The following OLFM2 variants were observed in gnomAD, a reference collection of about 807,000 sequenced individuals.
The protein encoded by OLFM2 is noelin-2.
OLFM2 carries 20 observed loss-of-function variants against 43.9 expected under a neutral mutation model. The ratio of observed to expected loss-of-function variants is 0.46; its 90% confidence interval spans 0.32 to 0.66. The LOEUF (loss-of-function observed/expected upper bound fraction) is 0.66, where lower values mean the gene tolerates loss of function less well. Ranked by LOEUF, OLFM2 falls within the 30% of genes least tolerant of loss-of-function variation. The pLI is 0.04. For missense variants in OLFM2, 416 were observed against 643.6 expected, an observed-to-expected ratio of 0.65 and a Z score of 3.83; for synonymous variants, 268 against 278.6, an observed-to-expected ratio of 0.96 and a Z score of 0.38.
At position 9,926,157 on chromosome 19, in the gene OLFM2, A is replaced by T. The variant is rs187178479; in HGVS notation, c.63+10147T>A. Reference sequence around the variant, plus strand: ...CTCTGTAACATTAAGACTTTTTTTTAAAAAAAAGCTGAAAACAACCCAGTG... The same window carrying T: ...CTCTGTAACATTAAGACTTTTTTTTTAAAAAAAGCTGAAAACAACCCAGTG... On this transcript the variant is annotated intron_variant, in intron 1 of 5. Transcript: ENST00000264833. Among the ~76,000 whole-genome samples the T allele has an allele frequency of 3.3e-3, 500 of 151,394 alleles. 5 individuals carry two copies. Among genetic ancestry groups the T allele is most frequent in the Non-Finnish European group, 5.5e-3 (371 of 67,824 alleles).
intron 1 of OLFM2, among the ~76,000 whole-genome samples, chr19:9,912,703 G>A (rs530480009): frequency 6.6e-6 from 1 of 151,994 alleles, no homozygotes; most frequent in East Asian, 1.9e-4. Context: ...AGCCTCAAAG[G>A]GGGATGGGAT....
At chr19:9,914,195 G>A (rs1333509955) in intron 1 of OLFM2, among the ~76,000 whole-genome samples, 2 of 152,074 alleles carry the variant, frequency 1.3e-5, no homozygotes, top group Non-Finnish European at 2.9e-5. Flanking sequence ...GCCCACCCCG[G>A]CCACCCAAAG....
intron 1 of OLFM2, among the ~76,000 whole-genome samples, chr19:9,917,278 A>G (rs1409448346): frequency 6.6e-6 from 1 of 152,060 alleles, no homozygotes; most frequent in Non-Finnish European, 1.5e-5. Context: ...GGCTCAAGCT[A>G]TTCTCCTGCC....
At chr19:9,892,505 G>GGCAGA (rs2046648103) in intron 1 of OLFM2, among the ~76,000 whole-genome samples, 1 of 152,160 alleles carries the variant, frequency 6.6e-6, no homozygotes, top group Non-Finnish European at 1.5e-5. Flanking sequence ...GAGGCCAGGA[G>GGCAGA]TTCGAGACCA....
chr19:9,863,240 G>A (rs1465570295), intron 1 of OLFM2, among the ~76,000 whole-genome samples: 1 of 152,116 alleles, frequency 6.6e-6, no homozygotes, highest in Non-Finnish European at 1.5e-5. Context: ...AGCAGATTGA[G>A]TAAGGGGTAA....
intron 1 of OLFM2, among the ~76,000 whole-genome samples, chr19:9,877,061 C>T (rs931727298): frequency 2.0e-5 from 3 of 151,344 alleles, no homozygotes; most frequent in African/African-American, 7.3e-5. Flanking sequence ...GAAATCCTGC[C>T]TCTAGTAAAA....
intron 1 of OLFM2, among the ~76,000 whole-genome samples, chr19:9,924,406 CAAAAAAAAA>C (rs1166738814): frequency 1.9e-4 from 5 of 25,790 alleles, no homozygotes; most frequent in Admixed American, 5.8e-4. Flanking sequence ...ACTCTGTCTC[CAAAAAAAAA>C]AAAAAAAAAA....
chr19:9,868,660 G>T (rs2046420563), intron 1 of OLFM2, among the ~76,000 whole-genome samples: 1 of 151,998 alleles, frequency 6.6e-6, no homozygotes, highest in African/African-American at 2.4e-5. Flanking sequence ...GATTTTTAGG[G>T]CCGGGTGCAG....
chr19:9,898,177 C>T (rs2046703197), intron 1 of OLFM2, among the ~76,000 whole-genome samples: 1 of 147,916 alleles, frequency 6.8e-6, no homozygotes, highest in African/African-American at 2.5e-5. Context: ...TCCCAAAGTG[C>T]TGGGATTACA....
intron 1 of OLFM2, among the ~76,000 whole-genome samples, chr19:9,898,665 C>T (rs1301604929): frequency 6.6e-6 from 1 of 152,120 alleles, no homozygotes; most frequent in Non-Finnish European, 1.5e-5. Flanking sequence ...TGCTTGGCCC[C>T]CTCCTTATCT....
chr19:9,925,482 G>C (rs1368764804), intron 1 of OLFM2, among the ~76,000 whole-genome samples: 3 of 151,900 alleles, frequency 2.0e-5, no homozygotes, highest in African/African-American at 7.3e-5. Flanking sequence ...TTTGAGACAG[G>C]ATCTTACCCT....
Position 9,936,424 on chromosome 19 carries a change from G to C in OLFM2, c.-58C>G. On this transcript the variant is annotated 5_prime_UTR_variant, in exon 1 of 6. Coordinates refer to ENST00000264833, the MANE Select transcript of OLFM2 (RefSeq NM_058164.4). ...CCCGCCCTAGCGGCGCCTCGGCGCGGGGACCGCCACCAGGCGCGACCCCGC... is the reference window on the plus strand; with the variant it reads ...CCCGCCCTAGCGGCGCCTCGGCGCGCGGACCGCCACCAGGCGCGACCCCGC... 8.6e-7 allele frequency: 1 copy of C among 1,158,498 alleles called. No individual in the cohort carries two copies. Among genetic ancestry groups the C allele is most frequent in the Non-Finnish European group, 1.1e-6 (1 of 942,390 alleles). The allele number at this position is 1,158,498 out of a possible 1,614,324, so 71.8% of individuals were successfully genotyped here. A position where few individuals can be genotyped will look rare whatever the true frequency, so the allele number is the denominator to read the frequency against.
rs71188847 is a variant in OLFM2 at position 9,865,485 on chromosome 19, CTTTTTTTTTTTTTTT to C, written c.64-4706_64-4692del. Among the ~76,000 whole-genome samples the C allele has an allele frequency of 8.1e-5, 6 of 73,642 alleles. 1 individual carries two copies. In the South Asian group the frequency reaches 1.9e-3, roughly 23 times the overall value. 48.3% of individuals were successfully genotyped at this position (73,642 alleles called of 152,430 possible). A position where few individuals can be genotyped will look rare whatever the true frequency, so the allele number is the denominator to read the frequency against. ...AGTCACTGTTACCTCTCTGTTTTTT[CTTTTTTTTTTTTTTT>C]TTTTTTTTTGAGAGGGAGTCTTGCT... On this transcript the variant is annotated intron_variant, in intron 1 of 5. Coordinates refer to ENST00000264833, the MANE Select transcript of OLFM2 (RefSeq NM_058164.4).
intron 1 of OLFM2, among the ~76,000 whole-genome samples, chr19:9,907,872 G>A (rs1044597518): frequency 6.6e-6 from 1 of 151,976 alleles, no homozygotes; most frequent in Non-Finnish European, 1.5e-5. Context: ...AGGCCTGGTG[G>A]TGCATGCCTG....
intron 1 of OLFM2, among the ~76,000 whole-genome samples, chr19:9,933,552 CTTTTTTTTT>C (rs34411076): frequency 2.5e-5 from 2 of 79,004 alleles, no homozygotes; most frequent in Admixed American, 1.6e-4. Flanking sequence ...TCACTCTAAT[CTTTTTTTTT>C]TTTTTTTTTT....
chr19:9,913,366 T>G, intron 1 of OLFM2: 4 of 507,192 alleles, frequency 7.9e-6, no homozygotes, highest in Non-Finnish European at 1.1e-5. Context: ...GGCAGGGTCG[T>G]GGGAAGCACA....
At chr19:9,926,561 T>C (rs60131723) in intron 1 of OLFM2, among the ~76,000 whole-genome samples, 4,331 of 150,514 alleles carry the variant, frequency 0.029, 196 homozygotes, top group African/African-American at 0.1. Context: ...CAAAAATAAA[T>C]AAATAAATAA....
intron 1 of OLFM2, among the ~76,000 whole-genome samples, chr19:9,880,888 CT>C (rs1165925040): frequency 2.0e-5 from 3 of 152,118 alleles, no homozygotes; most frequent in Non-Finnish European, 2.9e-5. Context: ...GCAATAGCTC[CT>C]CTCAGCTGCA....
rs1196259675 is a variant in OLFM2 at position 9,885,875 on chromosome 19, A to G, written c.64-25081T>C. ...TACTTTGGGAGGCCGAGGCAGGAGGATCATTGAGCCCAGGAGTTTAAGACC... is the reference window on the plus strand; with the variant it reads ...TACTTTGGGAGGCCGAGGCAGGAGGGTCATTGAGCCCAGGAGTTTAAGACC... On this transcript the variant is annotated intron_variant, in intron 1 of 5. Coordinates refer to ENST00000264833, the MANE Select transcript of OLFM2 (RefSeq NM_058164.4). 2.0e-5 allele frequency among the ~76,000 whole-genome samples: 3 copies of G among 152,146 alleles called. No homozygotes were observed. The South Asian group carries it at 6.2e-4, about 32-fold the overall frequency.
Sources: gnomAD v4.1 joint callset for allele counts (sites outside exome capture counted in the v4.1 genomes callset) on GRCh38, gnomAD v4.1.1 for gene constraint, MANE v1.5 for transcripts, NCBI Gene and HGNC (gene_info 2026-07-23, HGNC 2026-07-21) for gene names.